ZNF385D: variants seen among roughly 807,000 people sequenced by gnomAD.
The protein encoded by ZNF385D is zinc finger protein 385D.
Under a neutral mutation model 35.8 loss-of-function variants are expected in ZNF385D, and 15 were observed. The ratio of observed to expected loss-of-function variants is 0.42; its 90% confidence interval spans 0.28 to 0.64. The LOEUF (loss-of-function observed/expected upper bound fraction) is 0.64, where lower values mean the gene tolerates loss of function less well. ZNF385D is among the 30% of genes least tolerant of loss of function. The pLI, the probability that ZNF385D is intolerant of heterozygous loss-of-function variation, is 0.23. For synonymous variants in ZNF385D, 212 were observed against 186.8 expected (o/e 1.13, Z -1.10); for missense variants, 474 against 494.6 (o/e 0.96, Z 0.39).
Position 22,162,754 on chromosome 3 carries a change from T to C in ZNF385D, c.325+6063A>G, listed in dbSNP as rs544281922. ...TCCCAGGCTTATGCATGTTAATACA[T>C]TTGTATATCTTTTAATCTGTTAATT... On this transcript the variant is annotated intron_variant, in intron 3 of 5. Transcript: ENST00000494108. Among the ~76,000 whole-genome samples the C allele has an allele frequency of 3.3e-5, 5 of 152,326 alleles. No homozygotes were observed. In the East Asian group the frequency reaches 7.7e-4, roughly 24 times the overall value.
At chr3:21,925,181 T>C (rs1352360743) in intron 3 of ZNF385D, among the ~76,000 whole-genome samples, 1 of 152,042 alleles carries the variant, frequency 6.6e-6, no homozygotes, top group Non-Finnish European at 1.5e-5. Flanking sequence ...GCAAAGTAGG[T>C]AGAATAGCTA....
At chr3:21,786,202 C>T (rs1362715447) in intron 3 of ZNF385D, among the ~76,000 whole-genome samples, 10 of 152,104 alleles carry the variant, frequency 6.6e-5, no homozygotes, top group East Asian at 1.9e-4. Flanking sequence ...GGATTCCTCA[C>T]GAAGGACTTT....
intron 2 of ZNF385D, among the ~76,000 whole-genome samples, chr3:21,585,194 G>C (rs2063775525): frequency 6.6e-6 from 1 of 152,060 alleles, no homozygotes; most frequent in African/African-American, 2.4e-5. Flanking sequence ...AAGGATTATT[G>C]TTGCTCATAT....
chr3:21,769,238 A>T (rs1215034059), intron 3 of ZNF385D, among the ~76,000 whole-genome samples: 1 of 151,854 alleles, frequency 6.6e-6, no homozygotes, highest in African/African-American at 2.4e-5. Context: ...GGCCAGGGCA[A>T]TCAGGCAGGA....
intron 3 of ZNF385D, among the ~76,000 whole-genome samples, chr3:21,975,630 T>C (rs556545830): frequency 3.6e-4 from 54 of 150,702 alleles, no homozygotes; most frequent in Non-Finnish European, 7.4e-5. Flanking sequence ...TTACACATTG[T>C]ATACTTTTAT....
intron 1 of ZNF385D, among the ~76,000 whole-genome samples, chr3:21,740,085 C>T (rs2069436674): frequency 1.3e-5 from 2 of 152,228 alleles, no homozygotes; most frequent in South Asian, 4.1e-4. Flanking sequence ...TCTGTTTTGA[C>T]ACGGGAAGTC....
intron 1 of ZNF385D, among the ~76,000 whole-genome samples, chr3:21,684,333 C>G (rs1255858039): frequency 3.7e-5 from 5 of 134,026 alleles, no homozygotes; most frequent in Non-Finnish European, 7.9e-5. Context: ...ACAAACTTCA[C>G]CACACTAAAG....
intron 3 of ZNF385D, among the ~76,000 whole-genome samples, chr3:21,552,002 C>T (rs1366696387): frequency 3.3e-5 from 5 of 152,118 alleles, no homozygotes; most frequent in East Asian, 1.9e-4. Context: ...TTTCATTGGA[C>T]GGGGAAGAAG....
At chr3:21,840,037 CCT>C (rs1372460235) in intron 3 of ZNF385D, among the ~76,000 whole-genome samples, 4 of 151,822 alleles carry the variant, frequency 2.6e-5, no homozygotes, top group Non-Finnish European at 5.9e-5. Flanking sequence ...GTGTGAGGAC[CCT>C]GTTATAAGTG....
intron 1 of ZNF385D, among the ~76,000 whole-genome samples, chr3:21,672,393 A>G (rs2066602557): frequency 6.6e-6 from 1 of 151,954 alleles, no homozygotes; most frequent in Non-Finnish European, 1.5e-5. Flanking sequence ...TAGCAGGTCA[A>G]CTCAAATGTT....
intron 3 of ZNF385D, among the ~76,000 whole-genome samples, chr3:21,988,817 C>G (rs888630819): frequency 2.6e-5 from 4 of 152,044 alleles, no homozygotes; most frequent in Non-Finnish European, 2.9e-5. Context: ...TAGCAATCAG[C>G]GAGACTCCGT....
intron 1 of ZNF385D, among the ~76,000 whole-genome samples, chr3:21,731,688 T>C (rs1292023417): frequency 1.3e-5 from 2 of 152,130 alleles, no homozygotes; most frequent in Non-Finnish European, 2.9e-5. Flanking sequence ...CCCCTGGCAA[T>C]CCCACTAATA....
At chr3:22,057,659 G>A (rs575844726) in intron 3 of ZNF385D, among the ~76,000 whole-genome samples, 27 of 151,934 alleles carry the variant, frequency 1.8e-4, no homozygotes, top group Non-Finnish European at 3.2e-4. Flanking sequence ...ACAGGCAGGC[G>A]CACACCACCA....
chr3:21,429,221 A>G (rs945188842), intron 5 of ZNF385D, among the ~76,000 whole-genome samples: 1 of 151,474 alleles, frequency 6.6e-6, no homozygotes, highest in Admixed American at 6.6e-5. Context: ...TAAGGAAAAA[A>G]CCCCCTAATT....
intron 2 of ZNF385D, among the ~76,000 whole-genome samples, chr3:21,606,836 A>G (rs2064498982): frequency 6.6e-6 from 1 of 152,232 alleles, no homozygotes; most frequent in South Asian, 2.1e-4. Context: ...GAAAGCTGCT[A>G]GCTTTCAAAA....
intron 3 of ZNF385D, among the ~76,000 whole-genome samples, chr3:21,939,556 C>G (rs1159766503): frequency 6.6e-6 from 1 of 152,020 alleles, no homozygotes; most frequent in Non-Finnish European, 1.5e-5. Flanking sequence ...TTCAATCAAG[C>G]CCTGTTGAGC....
intron 2 of ZNF385D, among the ~76,000 whole-genome samples, chr3:22,311,194 A>T (rs888329321): frequency 6.6e-6 from 1 of 152,030 alleles, no homozygotes; most frequent in Non-Finnish European, 1.5e-5. Flanking sequence ...TAAAGTCTTT[A>T]CTATATCCAG....
At chr3:21,713,877 C>A (rs2068212517) in intron 1 of ZNF385D, among the ~76,000 whole-genome samples, 1 of 152,168 alleles carries the variant, frequency 6.6e-6, no homozygotes, top group South Asian at 2.1e-4. Context: ...GTTTACATGT[C>A]ACTCTCCTTT....
At chr3:21,671,321 ATTC>A (rs1309953829) in intron 1 of ZNF385D, among the ~76,000 whole-genome samples, 1 of 152,118 alleles carries the variant, frequency 6.6e-6, no homozygotes, top group Non-Finnish European at 1.5e-5. Flanking sequence ...GAATATCATC[ATTC>A]TTCAGTTAAA....
Sources: gnomAD v4.1 joint callset for allele counts (sites outside exome capture counted in the v4.1 genomes callset) on GRCh38, gnomAD v4.1.1 for gene constraint, MANE v1.5 for transcripts, NCBI Gene and HGNC (gene_info 2026-07-23, HGNC 2026-07-21) for gene names.